Variants in GREB1L observed in about 807,000 individuals in gnomAD.
The protein encoded by GREB1L is GREB1-like protein.
In GREB1L, 17 loss-of-function variants were observed where a neutral mutation model predicts 200.8. The observed-to-expected ratio is 0.08, with a 90% CI of 0.06 to 0.13. The LOEUF (loss-of-function observed/expected upper bound fraction) is 0.13. Among genes scored for constraint, GREB1L ranks in the 10% least tolerant of loss-of-function variants. The pLI, the probability that GREB1L is intolerant of heterozygous loss-of-function variation, is 1.00. For missense variants in GREB1L, 1,657 were observed against 2,367.7 expected, an observed-to-expected ratio of 0.70 and a Z score of 6.23; for synonymous variants, 789 against 893.0, an observed-to-expected ratio of 0.88 and a Z score of 2.08.
intron 19 of GREB1L, among the ~76,000 whole-genome samples, chr18:21,494,225 T>G (rs1311087283): frequency 6.6e-6 from 1 of 152,198 alleles, no homozygotes; most frequent in Non-Finnish European, 1.5e-5. Context: ...TCTGTGAAAC[T>G]TGTGAACAGT....
chr18:21,393,246 G>GT (rs1177593892), intron 4 of GREB1L, among the ~76,000 whole-genome samples: 2 of 152,142 alleles, frequency 1.3e-5, no homozygotes, highest in African/African-American at 4.8e-5. Flanking sequence ...CCTCGGGTTT[G>GT]TGTAGGGAGA....
intron 30 of GREB1L, 116 bp from the exon 31 acceptor site, chr18:21,517,918 C>T: frequency 1.3e-6 from 1 of 741,328 alleles, no homozygotes; most frequent in Non-Finnish European, 2.2e-6. Flanking sequence ...AACCTAGCAC[C>T]CCTCACTGTG....
At chr18:21,325,668 G>C (rs1567937541) in intron 1 of GREB1L, among the ~76,000 whole-genome samples, 1 of 151,734 alleles carries the variant, frequency 6.6e-6, no homozygotes, top group African/African-American at 2.4e-5. Context: ...TAAAAAATTA[G>C]CCGGGTGAGG....
At chr18:21,384,977 T>C (rs1166774119) in intron 4 of GREB1L, among the ~76,000 whole-genome samples, 1 of 152,188 alleles carries the variant, frequency 6.6e-6, no homozygotes, top group Non-Finnish European at 1.5e-5. Context: ...GTCAACCTCC[T>C]CTTCCACCAA....
intron 1 of GREB1L, among the ~76,000 whole-genome samples, chr18:21,352,503 G>A (rs1334783456): frequency 2.0e-5 from 3 of 150,336 alleles, no homozygotes; most frequent in African/African-American, 7.4e-5. Context: ...GTGAGATCTC[G>A]GCTCACTGTA....
intron 27 of GREB1L, among the ~76,000 whole-genome samples, chr18:21,509,568 C>T (rs2037155371): frequency 6.6e-6 from 1 of 152,098 alleles, no homozygotes; most frequent in Non-Finnish European, 1.5e-5. Flanking sequence ...CTTCAAACAG[C>T]CTTAATATGG....
At chr18:21,284,154 C>T (rs1282503847) in intron 1 of GREB1L, among the ~76,000 whole-genome samples, 1 of 152,070 alleles carries the variant, frequency 6.6e-6, no homozygotes, top group East Asian at 1.9e-4. Flanking sequence ...ATTCAATGGT[C>T]TGTTAAAATA....
chr18:21,454,253 T>C (rs1333930221), intron 14 of GREB1L, 113 bp from the exon 15 acceptor site: 2 of 691,798 alleles, frequency 2.9e-6, no homozygotes, highest in African/African-American at 3.6e-5. Context: ...TGAGAATTCG[T>C]AGTGAGAGTG....
At chr18:21,437,469 T>G (rs1318685981) in intron 7 of GREB1L, among the ~76,000 whole-genome samples, 5 of 152,124 alleles carry the variant, frequency 3.3e-5, no homozygotes, top group Non-Finnish European at 7.4e-5. Flanking sequence ...GCTGACAACT[T>G]TTGAACCTAC....
chr18:21,522,720 G>A lies in GREB1L; in HGVS notation c.5671G>A (p.Glu1891Lys). 1 of 1,551,706 alleles carries A rather than the reference G, an allele frequency of 6.4e-7. No individual in the cohort carries two copies. Among genetic ancestry groups the A allele is most frequent in the Non-Finnish European group, 8.7e-7 (1 of 1,146,992 alleles). The part of the protein sequence containing the change: ...SSLRQTIVRL[E>K]LEDEWQFRLR... The stretch of plus-strand genomic sequence containing the variant: ...CTTGCGCCAAACAATTGTCCGCTTA[G>A]AGCTAGAAGATGAGTGGCAGTTCCG... Residue 1891 changes from glutamate to lysine, a missense_variant, in exon 33 of 33, where the codon GAG becomes AAG. Glu to Lys is a moderately conservative substitution (Grantham distance 56). Transcript: ENST00000424526.
intron 11 of GREB1L, among the ~76,000 whole-genome samples, chr18:21,445,434 A>G (rs1391178382): frequency 6.6e-6 from 1 of 152,192 alleles, no homozygotes; most frequent in African/African-American, 2.4e-5. Flanking sequence ...AGATCACGTC[A>G]TTGCACTCCA....
At chr18:21,473,583 AAAAAG>A (rs201905778) in intron 16 of GREB1L, among the ~76,000 whole-genome samples, 21,761 of 144,662 alleles carry the variant, frequency 0.15, 1,818 homozygotes, top group East Asian at 0.32. Flanking sequence ...AAAAAAAAAA[AAAAAG>A]AAAGAAAAGA....
intron 15 of GREB1L, among the ~76,000 whole-genome samples, chr18:21,460,324 G>A (rs2034988604): frequency 6.6e-6 from 1 of 151,784 alleles, no homozygotes; most frequent in East Asian, 1.9e-4. Flanking sequence ...ACAGGCATGT[G>A]CCACCATGCC....
At chr18:21,363,708 G>A (rs2039616008) in intron 1 of GREB1L, 1 of 152,088 alleles carries the variant, frequency 6.6e-6, no homozygotes, top group African/African-American at 2.4e-5. Context: ...GTCTGCAGAG[G>A]GGACAGACAA....
At chr18:21,317,111 G>A (rs1204369201) in intron 1 of GREB1L, among the ~76,000 whole-genome samples, 1 of 151,838 alleles carries the variant, frequency 6.6e-6, no homozygotes, top group Non-Finnish European at 1.5e-5. Flanking sequence ...ATCCAAGCGG[G>A]TGCCGTGTTA....
chr18:21,486,538 A>G (rs950436859), intron 18 of GREB1L, among the ~76,000 whole-genome samples: 1 of 152,140 alleles, frequency 6.6e-6, no homozygotes, highest in African/African-American at 2.4e-5. Context: ...TTAAAGAGCA[A>G]TCAGATAATT....
intron 7 of GREB1L, among the ~76,000 whole-genome samples, chr18:21,407,022 A>C (rs1174321443): frequency 6.6e-6 from 1 of 151,868 alleles, no homozygotes; most frequent in Non-Finnish European, 1.5e-5. Flanking sequence ...TTACAGGCGC[A>C]TGCCACCACG....
At chr18:21,278,397 TA>T (rs1347587699) in intron 1 of GREB1L, among the ~76,000 whole-genome samples, 5 of 116,568 alleles carry the variant, frequency 4.3e-5, no homozygotes, top group African/African-American at 1.1e-4. Flanking sequence ...AAAAAATAAA[TA>T]AATAAATAAA....
At chr18:21,449,279 A>G (rs1420000888) in intron 11 of GREB1L, among the ~76,000 whole-genome samples, 2 of 152,232 alleles carry the variant, frequency 1.3e-5, no homozygotes, top group African/African-American at 4.8e-5. Context: ...AGGAATACAG[A>G]AAAACAGAAG....
Sources: allele counts gnomAD v4.1 joint callset (sites outside exome capture counted in the v4.1 genomes callset), GRCh38; gene constraint gnomAD v4.1.1; transcripts MANE v1.5; gene names NCBI Gene and HGNC (gene_info 2026-07-23, HGNC 2026-07-21).